The following CLNS1A variants were observed in gnomAD, a reference collection of about 807,000 sequenced individuals.
CLNS1A encodes methylosome subunit pICln.
Under a neutral mutation model 29.4 loss-of-function variants are expected in CLNS1A, and 16 were observed. That is an observed-to-expected ratio of 0.54 (90% CI 0.37 to 0.83). The LOEUF (loss-of-function observed/expected upper bound fraction) is 0.83, where lower values mean the gene tolerates loss of function less well. Ranked by LOEUF, CLNS1A falls within the 40% of genes least tolerant of loss-of-function variation. CLNS1A has a pLI of 0.00. For missense variants in CLNS1A, 235 were observed against 287.4 expected (o/e 0.82, Z 1.32); for synonymous variants, 96 against 104.8 (o/e 0.92, Z 0.51).
At chr11:77,620,442 T>C (rs1958945530) in intron 5 of CLNS1A, among the ~76,000 whole-genome samples, 1 of 152,210 alleles carries the variant, frequency 6.6e-6, no homozygotes, top group South Asian at 2.1e-4. Flanking sequence ...CTTTTGCTAA[T>C]TGCCCAGTCT....
At chr11:77,634,491 C>T (rs572359957) in intron 1 of CLNS1A, among the ~76,000 whole-genome samples, 52 of 152,066 alleles carry the variant, frequency 3.4e-4, no homozygotes, top group African/African-American at 1.2e-3. Context: ...TTTGGGAGGC[C>T]AAGGTGGGTG....
At position 77,615,000 on chromosome 11, in the gene CLNS1A, C is replaced by T. The variant is rs1958896218; in HGVS notation, c.*1718G>A. The T allele has an allele frequency of 1.3e-5, 2 of 152,052 alleles. No homozygotes were observed. The highest frequency in any genetic ancestry group is 4.8e-5 in the African/African-American group (2 of 41,352). The allele number at this position is 152,052 out of a possible 1,614,324, so 9.4% of individuals were successfully genotyped here. A position where few individuals can be genotyped will look rare whatever the true frequency, so the allele number is the denominator to read the frequency against. On this transcript the variant is annotated 3_prime_UTR_variant, in exon 7 of 7. Coordinates refer to ENST00000525428, the MANE Select transcript of CLNS1A (RefSeq NM_001293.3). ...CACTTAGTCTAATGAGGAAATAAGC[C>T]CAGAGAGGTGCCCACATGCTTTGGT...
At position 77,615,534 on chromosome 11, in the gene CLNS1A, T is replaced by C. The variant is rs1174737599; in HGVS notation, c.*1184A>G. ...AGATAATTAAGAATATTATAATACA[T>C]AATAAAGAACTCAGGACAGTGGCTA... is the stretch of plus-strand genomic sequence containing the variant. On this transcript the variant is annotated 3_prime_UTR_variant, in exon 7 of 7. Coordinates refer to ENST00000525428, the MANE Select transcript of CLNS1A (RefSeq NM_001293.3). 1.3e-5 allele frequency: 2 copies of C among 152,192 alleles called. No homozygotes were observed. Among genetic ancestry groups the C allele is most frequent in the Non-Finnish European group, 2.9e-5 (2 of 68,026 alleles). 9.4% of individuals were successfully genotyped at this position (152,192 alleles called of 1,614,324 possible).
At position 77,637,705 on chromosome 11, in the gene CLNS1A, G is replaced by A. The variant is rs773922206; in HGVS notation, c.10C>T (p.Leu4Phe). The A allele has an allele frequency of 3.2e-6, 5 of 1,557,756 alleles. No individual in the cohort carries two copies. Among genetic ancestry groups the A allele is most frequent in the Non-Finnish European group, 4.3e-6 (5 of 1,150,564 alleles). ...GGCCCAGGCGGCGGGAAACTTTTGA[G>A]GAAGCTCATAGCAGCAGAGTGCGGC... MSFLKSFPPPGPAE... is the reference protein window; with the variant it reads MSFFKSFPPPGPAE... The change falls in exon 1 of 7, where the codon CTC becomes TTC. Residue 4 changes from leucine (L) to phenylalanine (F), a missense_variant. Leu to Phe is a conservative substitution (Grantham distance 22). Transcript: ENST00000525428.
chr11:77,627,568 A>G (rs1959033185), intron 2 of CLNS1A, among the ~76,000 whole-genome samples: 2 of 152,214 alleles, frequency 1.3e-5, no homozygotes, highest in Admixed American at 6.5e-5. Flanking sequence ...AATCACATCA[A>G]TTACAACCAA....
Position 77,625,636 on chromosome 11 carries a change from T to G in CLNS1A, c.364+81A>C, listed in dbSNP as rs1959009152. The G allele has an allele frequency of 5.2e-6, 6 of 1,159,780 alleles. 1 individual carries two copies. The East Asian group carries it at 1.5e-4, about 29-fold the overall frequency. 71.8% of individuals were successfully genotyped at this position (1,159,780 alleles called of 1,614,324 possible). On this transcript the variant is annotated intron_variant, in intron 3 of 6. Coordinates refer to ENST00000525428, the MANE Select transcript of CLNS1A (RefSeq NM_001293.3). ...AATGGTGGTAAAGGTGAGAGGTGTG[T>G]GTGTGTGTGTATGTGTGTGTGTGTC...
intron 5 of CLNS1A, among the ~76,000 whole-genome samples, chr11:77,621,141 C>T (rs552368865): frequency 1.2e-4 from 19 of 152,002 alleles, no homozygotes; most frequent in African/African-American, 4.4e-4. Context: ...TACAAAAATA[C>T]AAAAATTAGC....
At chr11:77,624,847 A>G (rs548619965) in intron 4 of CLNS1A, 116 bp downstream of exon 4, 1 of 614,490 alleles carries the variant, frequency 1.6e-6, no homozygotes, top group East Asian at 3.0e-5. Context: ...ATTTTACCAT[A>G]CTGCATACTT....
chr11:77,621,021 G>A (rs1377249868), intron 5 of CLNS1A, among the ~76,000 whole-genome samples: 1 of 151,780 alleles, frequency 6.6e-6, no homozygotes, highest in Non-Finnish European at 1.5e-5. Flanking sequence ...TCATGGCCGG[G>A]TGCAGTGGCT....
At chr11:77,629,065 C>T (rs2135772268) in intron 2 of CLNS1A, among the ~76,000 whole-genome samples, 1 of 152,304 alleles carries the variant, frequency 6.6e-6, no homozygotes, top group African/African-American at 2.4e-5. Context: ...CCTACAACCA[C>T]TGAGACCCAC....
chr11:77,635,727 C>T (rs538736190), intron 1 of CLNS1A, among the ~76,000 whole-genome samples: 116 of 152,224 alleles, frequency 7.6e-4, no homozygotes, highest in African/African-American at 2.6e-3. Flanking sequence ...CTGAAAGAAG[C>T]GTCAACATAC....
chr11:77,630,517 C>T (rs1959063421), intron 1 of CLNS1A, among the ~76,000 whole-genome samples: 1 of 152,158 alleles, frequency 6.6e-6, no homozygotes, highest in South Asian at 2.1e-4. Flanking sequence ...ACACTCACCG[C>T]AAGTCAGGAA....
At chr11:77,625,336 G>A in intron 3 of CLNS1A, 1 of 493,478 alleles carries the variant, frequency 2.0e-6, no homozygotes, top group East Asian at 3.6e-5. Context: ...GCATCAGGGT[G>A]AAGGGTGAAG....
Position 77,622,519 on chromosome 11 carries a change from A to G in CLNS1A, c.627T>C (p.Asp209=). 1 of 1,595,422 alleles carries G rather than the reference A, an allele frequency of 6.3e-7. No homozygotes were observed. The highest frequency in any genetic ancestry group is 8.5e-7 in the Non-Finnish European group (1 of 1,174,508). ...ACTCACCTTCATAATCTCTTATTGA[A>G]TCTTCTGTCCTGACCCCAGCCATAT... ...QYNMAGVRTE[D]SIRDYEDGME... Residue 209 remains aspartate (D), a synonymous_variant, in exon 5 of 7, where the codon GAT becomes GAC. Coordinates refer to ENST00000525428, the MANE Select transcript of CLNS1A (RefSeq NM_001293.3).
intron 4 of CLNS1A, 112 bp downstream of exon 4, chr11:77,624,851 C>T (rs1183857105): frequency 1.6e-6 from 1 of 630,278 alleles, no homozygotes; most frequent in Non-Finnish European, 2.7e-6. Context: ...TACCATACTG[C>T]ATACTTTACA....
chr11:77,622,136 G>A (rs1238969657), intron 5 of CLNS1A: 1 of 456,066 alleles, frequency 2.2e-6, no homozygotes, highest in Non-Finnish European at 4.4e-6. Flanking sequence ...TCTATTGTTT[G>A]AGCCACCCAG....
intron 6 of CLNS1A, among the ~76,000 whole-genome samples, chr11:77,617,931 AAAAAG>A (rs1308573070): frequency 2.2e-4 from 33 of 152,138 alleles, no homozygotes; most frequent in Admixed American, 7.2e-4. Context: ...AAGAAAAAAA[AAAAAG>A]AAAAGAAAAA....
At chr11:77,625,994 G>A (rs1487045620) in intron 2 of CLNS1A, among the ~76,000 whole-genome samples, 176 bp from the exon 3 acceptor site, 3 of 151,830 alleles carry the variant, frequency 2.0e-5, no homozygotes, top group Non-Finnish European at 2.9e-5. Context: ...GCCTTGCCTC[G>A]ATCTCCTGAC....
At chr11:77,631,481 C>T (rs752870097) in intron 1 of CLNS1A, among the ~76,000 whole-genome samples, 4 of 151,506 alleles carry the variant, frequency 2.6e-5, no homozygotes, top group South Asian at 4.2e-4. Flanking sequence ...CCACCACACC[C>T]GGCTAATTTT....
Sources: allele counts gnomAD v4.1 joint callset (sites outside exome capture counted in the v4.1 genomes callset), GRCh38; gene constraint gnomAD v4.1.1; transcripts MANE v1.5; gene names NCBI Gene and HGNC (gene_info 2026-07-23, HGNC 2026-07-21).